CALN1: variants seen among roughly 807,000 people sequenced by gnomAD.
CALN1 encodes calcium-binding protein 8.
A neutral mutation model predicts 30.6 loss-of-function variants in CALN1; 17 were observed. That is an observed-to-expected ratio of 0.56 (90% CI 0.38 to 0.83). CALN1 has a LOEUF of 0.83. Among genes scored for constraint, CALN1 ranks in the 40% least tolerant of loss-of-function variants. CALN1 has a pLI of 0.00. For synonymous variants in CALN1, 156 were observed against 131.4 expected (o/e 1.19, Z -1.28); for missense variants, 291 against 354.9 (o/e 0.82, Z 1.45).
chr7:72,309,411 C>A (rs1288131028), intron 2 of CALN1, among the ~76,000 whole-genome samples: 1 of 152,070 alleles, frequency 6.6e-6, no homozygotes, highest in African/African-American at 2.4e-5. Context: ...AGGAATGGAC[C>A]CCTCTCTTCT....
intron 3 of CALN1, among the ~76,000 whole-genome samples, chr7:72,224,513 G>T (rs943087956): frequency 1.3e-5 from 2 of 152,204 alleles, no homozygotes; most frequent in African/African-American, 2.4e-5. Context: ...GCCAGACATG[G>T]TGGCTCACGT....
chr7:72,177,302 G>A (rs1789425206), intron 3 of CALN1, among the ~76,000 whole-genome samples: 1 of 152,140 alleles, frequency 6.6e-6, no homozygotes. Flanking sequence ...ACAGATTTAA[G>A]GAAGGTAAAC....
intron 3 of CALN1, among the ~76,000 whole-genome samples, chr7:72,223,553 C>G (rs973879245): frequency 1.3e-5 from 2 of 152,200 alleles, no homozygotes; most frequent in East Asian, 1.9e-4. Context: ...CCTGCACTTT[C>G]CCTGAACTTG....
At chr7:72,139,712 C>A (rs2129543366) in intron 3 of CALN1, among the ~76,000 whole-genome samples, 1 of 152,332 alleles carries the variant, frequency 6.6e-6, no homozygotes, top group African/African-American at 2.4e-5. Context: ...CTCTTCTAAG[C>A]TCCTCGGTCA....
intron 3 of CALN1, among the ~76,000 whole-genome samples, chr7:72,114,760 G>A (rs1051233168): frequency 1.3e-5 from 2 of 151,912 alleles, no homozygotes; most frequent in Non-Finnish European, 2.9e-5. Flanking sequence ...TTGGGAAGCC[G>A]AGGTGGGCAG....
intron 5 of CALN1, among the ~76,000 whole-genome samples, chr7:71,873,228 G>A (rs969887912): frequency 4.0e-5 from 6 of 151,782 alleles, no homozygotes; most frequent in Admixed American, 3.3e-4. Flanking sequence ...GGCAGGTCTC[G>A]AACTACTGAC....
chr7:72,451,212 G>GAAGA (rs1562973699), upstream of CALN1, among the ~76,000 whole-genome samples: 132 of 102,078 alleles, frequency 1.3e-3, no homozygotes, highest in African/African-American at 5.3e-3. Flanking sequence ...GAAGAAGAAG[G>GAAGA]AGGAGGAGGA....
At chr7:71,871,299 C>CT (rs1791911525) in intron 5 of CALN1, among the ~76,000 whole-genome samples, 1 of 152,080 alleles carries the variant, frequency 6.6e-6, no homozygotes, top group Non-Finnish European at 1.5e-5. Flanking sequence ...ACTGGCTGAC[C>CT]TTTTTCCAAT....
chr7:72,102,092 C>T (rs772154775), intron 4 of CALN1, among the ~76,000 whole-genome samples: 4 of 152,136 alleles, frequency 2.6e-5, no homozygotes, highest in East Asian at 3.9e-4. Context: ...TACAATGGCA[C>T]GATCTTGGCT....
intron 2 of CALN1, among the ~76,000 whole-genome samples, chr7:72,347,227 A>AT (rs1034192929): frequency 2.0e-5 from 3 of 150,414 alleles, no homozygotes; most frequent in African/African-American, 2.4e-5. Context: ...CCCAAAGACA[A>AT]TTTTTTTTCT....
chr7:72,206,505 AAATT>A (rs1021743633), intron 3 of CALN1, among the ~76,000 whole-genome samples: 6 of 152,184 alleles, frequency 3.9e-5, no homozygotes, highest in Non-Finnish European at 8.8e-5. Context: ...AAATTTTGCC[AAATT>A]AATTTTCATC....
rs375314989 is a variant in CALN1, at chr7:72,205,542, C to CAAAAAAA, written c.244+73137_244+73143dup. On this transcript the variant is annotated intron_variant, in intron 3 of 6. Coordinates refer to ENST00000395275, the MANE Select transcript of CALN1 (RefSeq NM_031468.4). ...GTCAGAAGTATTTTTCTCCTGATTGCAAAAAAAAAATATATATATATATAT... is the reference window on the plus strand; with the variant it reads ...GTCAGAAGTATTTTTCTCCTGATTGCAAAAAAAAAAAAAAAAATATATATATATATAT... Among the ~76,000 whole-genome samples, 11 of 53,122 alleles carry CAAAAAAA rather than the reference C, an allele frequency of 2.1e-4. 1 individual carries two copies. Among genetic ancestry groups the CAAAAAAA allele is most frequent in the African/African-American group, 1.0e-3 (10 of 9,838 alleles). The allele number at this position is 53,122 out of a possible 152,430, so 34.9% of individuals were successfully genotyped here. A position where few individuals can be genotyped will look rare whatever the true frequency, so the allele number is the denominator to read the frequency against.
chr7:72,318,808 T>C (rs538948641), intron 2 of CALN1, among the ~76,000 whole-genome samples: 10 of 131,810 alleles, frequency 7.6e-5, no homozygotes, highest in African/African-American at 2.9e-4. Flanking sequence ...CACCTCAGCC[T>C]CTGGAGTAGC....
rs75922780 is a variant in CALN1, at chr7:71,986,533, C to T, written c.501+37124G>A. On this transcript the variant is annotated intron_variant, in intron 5 of 6. Transcript: ENST00000395275. ...CTTGATCTTCAGCTGCAGACATCAC[C>T]TTTCATTGATGCCTTTTATGTAAAG... Among the ~76,000 whole-genome samples, 4,770 of 152,276 alleles carry T rather than the reference C, an allele frequency of 0.031. 350 individuals are homozygous for T. The East Asian group carries it at 0.33, about 10-fold the overall frequency.
the CALN1 span, among the ~76,000 whole-genome samples, chr7:72,479,994 C>A: frequency 1.3e-5 from 2 of 152,206 alleles, no homozygotes; most frequent in African/African-American, 2.4e-5. Flanking sequence ...ACTTTTACGC[C>A]AATAATACCT....
intron 3 of CALN1, among the ~76,000 whole-genome samples, chr7:72,144,860 C>T (rs979242310): frequency 1.3e-5 from 2 of 152,170 alleles, no homozygotes; most frequent in Non-Finnish European, 2.9e-5. Flanking sequence ...ACAACCTGCT[C>T]CTGAATGACT....
At chr7:72,164,721 G>C (rs186385872) in intron 3 of CALN1, among the ~76,000 whole-genome samples, 4 of 152,254 alleles carry the variant, frequency 2.6e-5, no homozygotes, top group African/African-American at 9.6e-5. Flanking sequence ...CTGTCACCCA[G>C]GCTGGAGGGC....
rs61325433 is a variant in CALN1 at position 72,369,487 on chromosome 7, G to A, written c.119+33764C>T. ...AGCAATTCTCCTGCCTCAGCCTCCC[G>A]AGTAGCTGGGATTACAGGCATGCAC... is the stretch of plus-strand genomic sequence containing the variant. On this transcript the variant is annotated intron_variant, in intron 2 of 6. Coordinates refer to ENST00000395275, the MANE Select transcript of CALN1 (RefSeq NM_031468.4). Among the ~76,000 whole-genome samples, 973 of 151,458 alleles carry A rather than the reference G, an allele frequency of 6.4e-3. 10 individuals are homozygous for A. The highest frequency in any genetic ancestry group is 0.021 in the African/African-American group (853 of 41,328).
intron 4 of CALN1, among the ~76,000 whole-genome samples, chr7:72,067,357 T>A (rs535278196): frequency 6.6e-6 from 1 of 152,222 alleles, no homozygotes; most frequent in African/African-American, 2.4e-5. Context: ...TCCTCCTGCA[T>A]CAGCCTCCAG....
Sources: allele counts gnomAD v4.1 joint callset (sites outside exome capture counted in the v4.1 genomes callset), GRCh38; gene constraint gnomAD v4.1.1; transcripts MANE v1.5; gene names NCBI Gene and HGNC (gene_info 2026-07-23, HGNC 2026-07-21).